The following TNPO3 variants were observed in gnomAD, a reference collection of about 807,000 sequenced individuals.
The protein encoded by TNPO3 is transportin-3.
In TNPO3, 65 loss-of-function variants were observed where a neutral mutation model predicts 122.8. The observed-to-expected ratio is 0.53, with a 90% CI of 0.43 to 0.65. The LOEUF is 0.65. Among genes scored for constraint, TNPO3 ranks in the 30% least tolerant of loss-of-function variants. The probability of loss-of-function intolerance (pLI) is 0.00; values close to 1 mark genes in which losing one functional copy is unlikely to be tolerated. For missense variants in TNPO3, 850 were observed against 1,136.7 expected (o/e 0.75, Z 3.63); for synonymous variants, 372 against 411.2 (o/e 0.90, Z 1.15).
chr7:129,055,043 T>C lies in TNPO3; in HGVS notation c.-273A>G, dbSNP rs1809327203. 4.6e-6 allele frequency: 2 copies of C among 430,200 alleles called. No homozygotes were observed. The highest frequency in any genetic ancestry group is 4.3e-6 in the Non-Finnish European group (1 of 231,368). 26.6% of individuals were successfully genotyped at this position (430,200 alleles called of 1,614,324 possible). ...GTCCACAGATTCTGGCGCTCCCGTC[T>C]TCAGTCGCTGACTTGCCCTCAGAAG... is the stretch of plus-strand genomic sequence containing the variant. On this transcript the variant is annotated 5_prime_UTR_variant, in exon 1 of 23. Transcript: ENST00000265388.
At chr7:128,970,049 G>T in intron 20 of TNPO3, 99 bp downstream of exon 20, 1 of 1,478,112 alleles carries the variant, frequency 6.8e-7, no homozygotes, top group Non-Finnish European at 9.4e-7. Flanking sequence ...TCCATGGACA[G>T]AAAACAGGGC....
chr7:129,056,097 G>C (rs1371363274), upstream of TNPO3: 10 of 1,119,088 alleles, frequency 8.9e-6, no homozygotes, highest in East Asian at 2.4e-5. Flanking sequence ...GGAGCTCATC[G>C]GCACTCAGAA....
intron 1 of TNPO3, among the ~76,000 whole-genome samples, chr7:129,019,103 T>C (rs547130431): frequency 4.5e-4 from 68 of 152,306 alleles, no homozygotes; most frequent in African/African-American, 1.0e-3. Context: ...AATAAACTTA[T>C]CTATAGACAT....
In TNPO3 at chr7:128,992,038, A is replaced by G; in HGVS notation, c.1319T>C (p.Val440Ala). 1 of 1,611,532 alleles carries G rather than the reference A, an allele frequency of 6.2e-7. No homozygotes were observed. The highest frequency in any genetic ancestry group is 8.5e-7 in the Non-Finnish European group (1 of 1,178,810). Reference sequence around the variant, plus strand: ...TGCTATAGCAGCCATGATAAAGAGAACCGCTTCTGTCACCTCCCAGGGTGG... The same window carrying G: ...TGCTATAGCAGCCATGATAAAGAGAGCCGCTTCTGTCACCTCCCAGGGTGG... ...GNPPWEVTEA[V>A]LFIMAAIAKS... The change falls in exon 10 of 23, where the codon GTT becomes GCT. Residue 440 changes from valine (V) to alanine (A), a missense_variant. Transcript: ENST00000265388.
intron 1 of TNPO3, among the ~76,000 whole-genome samples, chr7:129,052,887 C>T (rs948257532): frequency 6.6e-6 from 1 of 152,170 alleles, no homozygotes; most frequent in Non-Finnish European, 1.5e-5. Flanking sequence ...ATACAAAGAT[C>T]AGGGAATTGT....
intron 14 of TNPO3, 57 bp from the exon 15 acceptor site, chr7:128,980,088 A>C: frequency 6.8e-7 from 1 of 1,477,422 alleles, no homozygotes; most frequent in Non-Finnish European, 9.5e-7. Context: ...CTGAGGACCC[A>C]GAGCCCTGAT....
intron 4 of TNPO3, among the ~76,000 whole-genome samples, chr7:129,009,396 A>G (rs1422534431): frequency 3.3e-5 from 5 of 152,210 alleles, no homozygotes; most frequent in Non-Finnish European, 7.3e-5. Flanking sequence ...GGGGTTTGGA[A>G]CCTGGCATTA....
Position 128,970,262 on chromosome 7 carries a change from C to G in TNPO3, c.2484G>C (p.Gln828His), listed in dbSNP as rs1300999744. 6.2e-7 allele frequency: 1 copy of G among 1,613,836 alleles called. No individual in the cohort carries two copies. The highest frequency in any genetic ancestry group is 1.1e-5 in the South Asian group (1 of 91,046). ...GCTGGCTGACAAGCTGCTGTCCAAG[C>G]TGGTTCATCACCTGTCCAATCAGTT... is the stretch of plus-strand genomic sequence containing the variant. Reference protein sequence around the residue: ...RKELIGQVMNQLGQQLVSQLL... With the variant: ...RKELIGQVMNHLGQQLVSQLL... The change falls in exon 20 of 23, where the codon CAG becomes CAC. Residue 828 changes from glutamine (Q) to histidine (H), a missense_variant. Coordinates refer to ENST00000265388, the MANE Select transcript of TNPO3 (RefSeq NM_012470.4).
chr7:128,990,215 T>A, intron 10 of TNPO3, 115 bp from the exon 11 acceptor site: 1 of 1,154,284 alleles, frequency 8.7e-7, no homozygotes, highest in Non-Finnish European at 1.3e-6. Context: ...AAACAACCAT[T>A]AAGATAAAAG....
At chr7:129,046,272 G>A (rs1244922586) in intron 1 of TNPO3, among the ~76,000 whole-genome samples, 1 of 151,758 alleles carries the variant, frequency 6.6e-6, no homozygotes, top group African/African-American at 2.4e-5. Flanking sequence ...CACTAGACTG[G>A]TGGCTACTAC....
intron 9 of TNPO3, among the ~76,000 whole-genome samples, chr7:128,993,262 T>C (rs750817314): frequency 7.2e-5 from 11 of 152,090 alleles, no homozygotes; most frequent in East Asian, 1.9e-4. Flanking sequence ...TTAAGTGATA[T>C]GGAATGATGA....
chr7:129,027,558 CA>C (rs71162549), intron 1 of TNPO3, among the ~76,000 whole-genome samples: 12 of 8,956 alleles, frequency 1.3e-3, no homozygotes, highest in African/African-American at 1.9e-3. Context: ...AAGACTGTCT[CA>C]AAAAAAAAAA....
intron 21 of TNPO3, among the ~76,000 whole-genome samples, chr7:128,964,992 A>G (rs1419121904): frequency 2.6e-5 from 4 of 152,230 alleles, no homozygotes; most frequent in Non-Finnish European, 5.9e-5. Context: ...AAACTCTTAC[A>G]AGAAAACCTA....
At position 129,014,966 on chromosome 7, in the gene TNPO3, C is replaced by A; in HGVS notation, c.552+13G>T. The stretch of plus-strand genomic sequence containing the variant: ...GCCTTTATGCAGCAACTTAGTATTT[C>A]AAACTTACTCACCAATAGAGATACT... On this transcript the variant is annotated intron_variant, in intron 4 of 22. Transcript: ENST00000265388. The A allele has an allele frequency of 6.4e-7, 1 of 1,555,076 alleles. No individual in the cohort carries two copies. Among genetic ancestry groups the A allele is most frequent in the South Asian group, 1.2e-5 (1 of 81,396 alleles).
At chr7:128,956,263 C>G (rs1189777767) in intron 22 of TNPO3, among the ~76,000 whole-genome samples, 1 of 152,180 alleles carries the variant, frequency 6.6e-6, no homozygotes, top group African/African-American at 2.4e-5. Context: ...AACACAGAAA[C>G]TACCAGTGAG....
At chr7:128,994,378 G>T (rs528526303) in intron 8 of TNPO3, among the ~76,000 whole-genome samples, 2 of 151,694 alleles carry the variant, frequency 1.3e-5, no homozygotes, top group African/African-American at 4.8e-5. Context: ...GGCTGGTCTC[G>T]ATCTCCTGAC....
In TNPO3 at chr7:129,054,854, T is replaced by G; in HGVS notation, c.-84A>C. ...TTGCTCCGCCTTCGCGCTTCCTCAC[T>G]GTCTGGGCCACGGCCGCTCCCTGAC... is the stretch of plus-strand genomic sequence containing the variant. On this transcript the variant is annotated 5_prime_UTR_variant, in exon 1 of 23. Transcript: ENST00000265388. 1 of 1,587,820 alleles carries G rather than the reference T, an allele frequency of 6.3e-7. No homozygotes were observed. Among genetic ancestry groups the G allele is most frequent in the Non-Finnish European group, 8.6e-7 (1 of 1,163,452 alleles).
intron 16 of TNPO3, among the ~76,000 whole-genome samples, chr7:128,977,128 CTGAGT>C (rs779690692): frequency 1.4e-4 from 22 of 152,104 alleles, no homozygotes; most frequent in Non-Finnish European, 2.8e-4. Flanking sequence ...TTGCTGGCTC[CTGAGT>C]TAAGGGATTT....
intron 1 of TNPO3, among the ~76,000 whole-genome samples, chr7:129,020,624 A>G (rs897347212): frequency 6.6e-6 from 1 of 152,016 alleles, no homozygotes; most frequent in Non-Finnish European, 1.5e-5. Context: ...ATTTTTTTGT[A>G]GAGATGGGGT....
Sources: gnomAD v4.1 joint callset for allele counts (sites outside exome capture counted in the v4.1 genomes callset) on GRCh38, gnomAD v4.1.1 for gene constraint, MANE v1.5 for transcripts, NCBI Gene and HGNC (gene_info 2026-07-23, HGNC 2026-07-21) for gene names.